Variants in PRTG observed in about 807,000 individuals in gnomAD.
PRTG encodes protogenin, also known as immunoglobulin superfamily, DCC subclass, member 5.
In PRTG, 67 loss-of-function variants were observed where a neutral mutation model predicts 122.5. That is an observed-to-expected ratio of 0.55 (90% CI 0.45 to 0.67). The LOEUF (loss-of-function observed/expected upper bound fraction) is 0.67, where lower values mean the gene tolerates loss of function less well. Among genes scored for constraint, PRTG ranks in the 30% least tolerant of loss-of-function variants. The pLI is 0.00. For synonymous variants in PRTG, 554 were observed against 501.1 expected (o/e 1.11, Z -1.41); for missense variants, 1,435 against 1,415.4 (o/e 1.01, Z -0.22).
At position 55,611,636 on chromosome 15, in the gene PRTG, A is replaced by G. The variant is rs1297669386; in HGVS notation, c.*8376T>C. ...TAAACATTTTGGCATTTAAACTTTT[A>G]TTCATTTTTGGCATGACCTATAGGG... On this transcript the variant is annotated 3_prime_UTR_variant, in exon 20 of 20. Transcript: ENST00000389286. 3.3e-5 allele frequency: 5 copies of G among 152,026 alleles called. No homozygotes were observed. 9.4% of individuals were successfully genotyped at this position (152,026 alleles called of 1,614,324 possible).
intron 15 of PRTG, among the ~76,000 whole-genome samples, chr15:55,632,163 A>T (rs1484552977): frequency 6.6e-6 from 1 of 152,206 alleles, no homozygotes; most frequent in Non-Finnish European, 1.5e-5. Context: ...GCCTCTCTGC[A>T]TGGACAGCTA....
chr15:55,643,706 G>A (rs1156553123), intron 11 of PRTG, among the ~76,000 whole-genome samples: 2 of 152,086 alleles, frequency 1.3e-5, no homozygotes, highest in African/African-American at 4.8e-5. Flanking sequence ...TTACAGGAAT[G>A]AGCCACTGCA....
At chr15:55,709,447 T>C (rs2030293592) in intron 2 of PRTG, among the ~76,000 whole-genome samples, 1 of 150,540 alleles carries the variant, frequency 6.6e-6, no homozygotes, top group Admixed American at 6.6e-5. Context: ...TGCAACTACT[T>C]TGGAAACAGT....
chr15:55,625,625 A>AC (rs1172721163), intron 17 of PRTG, among the ~76,000 whole-genome samples: 2 of 140,060 alleles, frequency 1.4e-5, no homozygotes, highest in Admixed American at 1.4e-4. Flanking sequence ...GCTAATTTTA[A>AC]CTTTTTTTTT....
rs539300580 is a variant in PRTG at position 55,643,918 on chromosome 15, C to T, written c.2042-2710G>A. Among the ~76,000 whole-genome samples the T allele has an allele frequency of 3.0e-4, 45 of 152,066 alleles. No individual in the cohort carries two copies. The South Asian group carries it at 4.6e-3, about 15-fold the overall frequency. ...TCACTCTGCTGCCCAGGCTGGACAA[C>T]AGTGGTGCAATCATGGCTCATTGCA... On this transcript the variant is annotated intron_variant, in intron 11 of 19. Transcript: ENST00000389286.
At chr15:55,707,109 T>C (rs2030161430) in intron 2 of PRTG, among the ~76,000 whole-genome samples, 2 of 152,230 alleles carry the variant, frequency 1.3e-5, no homozygotes, top group South Asian at 2.1e-4. Context: ...AAGTAAAAGA[T>C]ATACATGATC....
At chr15:55,628,303 A>G (rs939143876) in intron 16 of PRTG, among the ~76,000 whole-genome samples, 2 of 152,018 alleles carry the variant, frequency 1.3e-5, no homozygotes, top group African/African-American at 4.8e-5. Context: ...CTTTCTTGAG[A>G]ACACATGGAC....
At chr15:55,725,563 T>G (rs1312499702) in intron 2 of PRTG, among the ~76,000 whole-genome samples, 1 of 150,744 alleles carries the variant, frequency 6.6e-6, no homozygotes, top group East Asian at 1.9e-4. Flanking sequence ...GCTACTGCCC[T>G]CCAGTCTGGG....
chr15:55,673,272 T>C, intron 10 of PRTG, 99 bp downstream of exon 10: 1 of 938,234 alleles, frequency 1.1e-6, no homozygotes, highest in Non-Finnish European at 1.6e-6. Flanking sequence ...TATTTTTATT[T>C]GTAAAACAAA....
intron 3 of PRTG, 59 bp downstream of exon 3, chr15:55,683,727 AT>A: frequency 1.4e-6 from 2 of 1,397,786 alleles, no homozygotes. Context: ...TCCCTATATA[AT>A]CTCATATGAA....
rs561875807 is a variant in PRTG at position 55,622,377 on chromosome 15, C to T, written c.3094-1610G>A. Among the ~76,000 whole-genome samples the T allele has an allele frequency of 8.5e-5, 11 of 129,924 alleles. No homozygotes were observed. In the Admixed American group the frequency reaches 1.0e-3, roughly 12 times the overall value. 85.2% of individuals were successfully genotyped at this position (129,924 alleles called of 152,430 possible). A position where few individuals can be genotyped will look rare whatever the true frequency, so the allele number is the denominator to read the frequency against. On this transcript the variant is annotated intron_variant, in intron 18 of 19. Coordinates refer to ENST00000389286, the MANE Select transcript of PRTG (RefSeq NM_173814.6). ...GGATTACAGGCATGCATCATCACAC[C>T]CAGCTAATTTTTTTTTTTTTTTTTT...
intron 2 of PRTG, among the ~76,000 whole-genome samples, chr15:55,706,805 T>G (rs530333182): frequency 6.6e-6 from 1 of 151,826 alleles, no homozygotes; most frequent in African/African-American, 2.4e-5. Context: ...CGAGGCAGGG[T>G]AGAGACACAG....
At position 55,714,205 on chromosome 15, in the gene PRTG, G is replaced by GTCTCTCTCTCTCTCTCTC. The variant is rs3049129; in HGVS notation, c.397+26159_397+26176dup. 4.6e-4 allele frequency among the ~76,000 whole-genome samples: 66 copies of GTCTCTCTCTCTCTCTCTC among 142,776 alleles called. 1 individual carries two copies. The highest frequency in any genetic ancestry group is 2.3e-3 in the East Asian group (11 of 4,822). The allele number at this position is 142,776 out of a possible 152,430, so 93.7% of individuals were successfully genotyped here. On this transcript the variant is annotated intron_variant, in intron 2 of 19. Transcript: ENST00000389286. ...TTATTTTCTTTCTATCTATTTATCT[G>GTCTCTCTCTCTCTCTCTC]TCTCTCTCTCTCTCTCTCTCTCTCT...
Position 55,616,831 on chromosome 15 carries a change from A to C in PRTG, c.*3181T>G, listed in dbSNP as rs992444937. 6.6e-6 allele frequency: 1 copy of C among 152,234 alleles called. No individual in the cohort carries two copies. Among genetic ancestry groups the C allele is most frequent in the Admixed American group, 6.5e-5 (1 of 15,290 alleles). 9.4% of individuals were successfully genotyped at this position (152,234 alleles called of 1,614,324 possible). A position where few individuals can be genotyped will look rare whatever the true frequency, so the allele number is the denominator to read the frequency against. ...AGCCCTTTGATATTTTTTGCTACTA[A>C]AGCTAGATTCTCTATCGGCCTCTAA... is the stretch of plus-strand genomic sequence containing the variant. On this transcript the variant is annotated 3_prime_UTR_variant, in exon 20 of 20. Coordinates refer to ENST00000389286, the MANE Select transcript of PRTG (RefSeq NM_173814.6).
At chr15:55,687,468 T>C (rs964015226) in intron 2 of PRTG, among the ~76,000 whole-genome samples, 3 of 152,236 alleles carry the variant, frequency 2.0e-5, no homozygotes, top group African/African-American at 7.2e-5. Context: ...TTTTTCACTC[T>C]GAATCTAACC....
At chr15:55,636,242 T>TAA (rs759047895) in intron 15 of PRTG, among the ~76,000 whole-genome samples, 26 of 152,304 alleles carry the variant, frequency 1.7e-4, no homozygotes, top group Admixed American at 3.3e-4. Context: ...TCCGTGTTCT[T>TAA]AAGCCCTAAT....
At chr15:55,672,862 T>C (rs1206490768) in intron 10 of PRTG, among the ~76,000 whole-genome samples, 2 of 152,110 alleles carry the variant, frequency 1.3e-5, no homozygotes, top group African/African-American at 4.8e-5. Context: ...AATAGTAATA[T>C]CTGGACATTT....
intron 11 of PRTG, among the ~76,000 whole-genome samples, chr15:55,648,968 G>A (rs796177607): frequency 1.3e-5 from 2 of 151,574 alleles, no homozygotes; most frequent in African/African-American, 2.4e-5. Context: ...GTGGTGATAC[G>A]TGCCTACAGT....
chr15:55,675,417 T>G, intron 9 of PRTG, 102 bp downstream of exon 9: 2 of 858,400 alleles, frequency 2.3e-6, no homozygotes, highest in Non-Finnish European at 3.4e-6. Flanking sequence ...ACCTGTTTTT[T>G]AACCAAAAAG....
Sources: gnomAD v4.1 joint callset for allele counts (sites outside exome capture counted in the v4.1 genomes callset) on GRCh38, gnomAD v4.1.1 for gene constraint, MANE v1.5 for transcripts, NCBI Gene and HGNC (gene_info 2026-07-23, HGNC 2026-07-21) for gene names.